The following TMEM175 variants were observed in gnomAD, a reference collection of about 807,000 sequenced individuals.
The protein encoded by TMEM175 is transmembrane protein 175.
Under a neutral mutation model 36.5 loss-of-function variants are expected in TMEM175, and 36 were observed. That is an observed-to-expected ratio of 0.99 (90% CI 0.76 to 1.30). The LOEUF is 1.30. TMEM175 is among the 50% of genes most tolerant of loss of function. The pLI, the probability that TMEM175 is intolerant of heterozygous loss-of-function variation, is 0.00. For missense variants in TMEM175, 705 were observed against 692.8 expected (o/e 1.02, Z -0.20); for synonymous variants, 339 against 313.4 (o/e 1.08, Z -0.86).
Position 958,115 on chromosome 4 carries a change from C to G in TMEM175, c.1134C>G (p.Val378=). 1.9e-6 allele frequency: 3 copies of G among 1,604,004 alleles called. No individual in the cohort carries two copies. Among genetic ancestry groups the G allele is most frequent in the Non-Finnish European group, 1.7e-6 (2 of 1,179,812 alleles). ...GCGATGAGCTGGAGCGCGTGCGTGT[C>G]AGCTGCACCATCATCTTCCTGGCCA... ...QPRDELERVR[V]SCTIIFLASI... Residue 378 remains valine (V), a synonymous_variant, in exon 11 of 11, where the codon GTC becomes GTG. Coordinates refer to ENST00000264771, the MANE Select transcript of TMEM175 (RefSeq NM_032326.4).
At chr4:955,527 G>C in intron 9 of TMEM175, 44 bp downstream of exon 9, 1 of 1,576,718 alleles carries the variant, frequency 6.3e-7, no homozygotes, top group Non-Finnish European at 8.7e-7. Flanking sequence ...CCTGTAGTCC[G>C]CCCACCTCCG....
intron 7 of TMEM175, 145 bp from the exon 8 acceptor site, chr4:953,045 T>C: frequency 1.3e-6 from 1 of 773,554 alleles, no homozygotes; most frequent in Non-Finnish European, 2.0e-6. Context: ...CCAAGACCCC[T>C]GTGCGCGCGT....
chr4:942,070 T>C (rs1727587060), intron 1 of TMEM175, among the ~76,000 whole-genome samples: 1 of 151,778 alleles, frequency 6.6e-6, no homozygotes, highest in African/African-American at 2.4e-5. Flanking sequence ...TTTTTTTCTT[T>C]TTTTTTTGAG....
chr4:949,482 G>C (rs1728590903), intron 3 of TMEM175, among the ~76,000 whole-genome samples: 1 of 152,234 alleles, frequency 6.6e-6, no homozygotes, highest in Non-Finnish European at 1.5e-5. Context: ...ACACCTCCTT[G>C]TGAGGAGAGG....
rs914825630 is a variant in TMEM175, at chr4:932,698, G to C, written c.-32+158G>C. On this transcript the variant is annotated intron_variant, in intron 1 of 10. Coordinates refer to ENST00000264771, the MANE Select transcript of TMEM175 (RefSeq NM_032326.4). This position sits in a 1 kb window ranked among gnomAD's most constrained non-coding sequence, Gnocchi z 4.0. ...TAGCGCCGCGTTTGCGAATGGGTTC[G>C]CGAATTTTTCTCTCAGTTGGCTAAG... is the stretch of plus-strand genomic sequence containing the variant. 1.3e-5 allele frequency among the ~76,000 whole-genome samples: 2 copies of C among 152,256 alleles called. No homozygotes were observed. The highest frequency in any genetic ancestry group is 2.9e-5 in the Non-Finnish European group (2 of 68,052).
chr4:952,544 G>C, intron 7 of TMEM175, 94 bp downstream of exon 7: 1 of 1,211,670 alleles, frequency 8.3e-7, no homozygotes, highest in Non-Finnish European at 1.2e-6. Context: ...GTGCAGGTAG[G>C]GGGCCCAGGG....
intron 3 of TMEM175, 92 bp downstream of exon 3, chr4:948,246 G>A (rs760361793): frequency 2.2e-5 from 35 of 1,609,384 alleles, no homozygotes; most frequent in Middle Eastern, 1.6e-4. Context: ...GACCCTGCAC[G>A]CCTCGAAGCT....
At position 940,174 on chromosome 4, in the gene TMEM175, C is replaced by T. The variant is rs370319077; in HGVS notation, c.-31-7535C>T. On this transcript the variant is annotated intron_variant, in intron 1 of 10. Coordinates refer to ENST00000264771, the MANE Select transcript of TMEM175 (RefSeq NM_032326.4). ...ACAGTAAAAAGAGCAGTAGGCCAGG[C>T]GCAGTGGCTCACGCCTGTAATCCCA... Among the ~76,000 whole-genome samples the T allele has an allele frequency of 2.0e-3, 311 of 152,272 alleles. 13 individuals are homozygous for T. The South Asian group carries it at 0.059, about 29-fold the overall frequency.
intron 7 of TMEM175, among the ~76,000 whole-genome samples, chr4:952,870 C>T (rs1480364487): frequency 6.6e-6 from 1 of 151,996 alleles, no homozygotes; most frequent in African/African-American, 2.4e-5. Context: ...GTGGCATGCC[C>T]AGAGTCCCCG....
At chr4:953,888 A>G (rs775085862) in intron 8 of TMEM175, among the ~76,000 whole-genome samples, 2 of 151,860 alleles carry the variant, frequency 1.3e-5, no homozygotes, top group Non-Finnish European at 2.9e-5. Flanking sequence ...GTCTTGCTAT[A>G]TTGCCCAGGT....
Position 958,175 on chromosome 4 carries a change from G to A in TMEM175, c.1194G>A (p.Leu398=), listed in dbSNP as rs776211831. 1.9e-6 allele frequency: 3 copies of A among 1,603,500 alleles called. No homozygotes were observed. Among genetic ancestry groups the A allele is most frequent in the African/African-American group, 1.3e-5 (1 of 74,936 alleles). The part of the protein sequence containing the change: ...IFQLAMWTTA[L]LHQAETLQPS... ...AGCTGGCCATGTGGACCACGGCGCTGCTGCACCAGGCGGAGACGCTGCAGC... is the reference window on the plus strand; with the variant it reads ...AGCTGGCCATGTGGACCACGGCGCTACTGCACCAGGCGGAGACGCTGCAGC... The change falls in exon 11 of 11, where the codon CTG becomes CTA. Residue 398 remains leucine, a synonymous_variant. Coordinates refer to ENST00000264771, the MANE Select transcript of TMEM175 (RefSeq NM_032326.4).
chr4:935,332 A>G (rs549342448), intron 1 of TMEM175, among the ~76,000 whole-genome samples: 6 of 152,346 alleles, frequency 3.9e-5, no homozygotes, highest in African/African-American at 1.2e-4. Flanking sequence ...AGATACTGCT[A>G]CATGTATAAA....
At chr4:938,797 G>C (rs1461222114) in intron 1 of TMEM175, among the ~76,000 whole-genome samples, 1 of 152,190 alleles carries the variant, frequency 6.6e-6, no homozygotes, top group East Asian at 1.9e-4. Flanking sequence ...TAAACTAGGA[G>C]ATTCAACAGT....
chr4:953,328 A>G lies in TMEM175; in HGVS notation c.601A>G (p.Ile201Val). The change falls in exon 8 of 11, where the codon ATC (isoleucine) becomes GTC (valine). Residue 201 changes from isoleucine to valine, a missense_variant. By Grantham distance (29) the Ile-to-Val change is conservative (BLOSUM62 3). Transcript: ENST00000264771. ...QGPALCFAAA[I>V]FSLFFVPLSY... is the part of the protein sequence containing the mutation. ...CCCGGCCCTGTGCTTTGCAGCGGCC[A>G]TCTTCTCTCTCTTCTTTGTCCCCTT... The G allele has an allele frequency of 6.2e-7, 1 of 1,613,504 alleles. No homozygotes were observed. Among genetic ancestry groups the G allele is most frequent in the Non-Finnish European group, 8.5e-7 (1 of 1,179,678 alleles).
chr4:956,887 C>T (rs1336343265), intron 10 of TMEM175: 1 of 170,648 alleles, frequency 5.9e-6, no homozygotes, highest in East Asian at 1.8e-4. Context: ...GTCCAAGTCT[C>T]CTGATGCTCT....
chr4:949,520 T>C (rs1009927973), intron 3 of TMEM175, among the ~76,000 whole-genome samples: 7 of 152,088 alleles, frequency 4.6e-5, no homozygotes, highest in African/African-American at 1.7e-4. Context: ...CTCACTCTGA[T>C]GAAAAATAAA....
intron 1 of TMEM175, among the ~76,000 whole-genome samples, chr4:939,221 C>T (rs1335493821): frequency 6.6e-6 from 1 of 152,202 alleles, no homozygotes; most frequent in East Asian, 1.9e-4. Flanking sequence ...AAAAGTAGTT[C>T]ATTGGAGAAA....
chr4:953,275 G>A lies in TMEM175; in HGVS notation c.548G>A (p.Arg183Gln), dbSNP rs547989171. 11 of 1,614,064 alleles carry A rather than the reference G, an allele frequency of 6.8e-6. No homozygotes were observed. The highest frequency in any genetic ancestry group is 1.7e-5 in the Admixed American group (1 of 60,016). The change falls in exon 8 of 11, where the codon CGA (arginine) becomes CAA (glutamine). Residue 183 changes from arginine to glutamine, a missense_variant. Coordinates refer to ENST00000264771, the MANE Select transcript of TMEM175 (RefSeq NM_032326.4). ...TCTGCCCACAGGGCTCTGTACCGAC[G>A]ACACGTCCTGGGCATCGTCCTCCAA... is the stretch of plus-strand genomic sequence containing the variant. ...QRSAHRALYR[R>Q]HVLGIVLQGP...
At chr4:943,933 G>A (rs1452422015) in intron 1 of TMEM175, among the ~76,000 whole-genome samples, 1 of 152,176 alleles carries the variant, frequency 6.6e-6, no homozygotes, top group Non-Finnish European at 1.5e-5. Flanking sequence ...CACCACAGAT[G>A]AGTCTCGAAA....
Sources: allele counts gnomAD v4.1 joint callset (sites outside exome capture counted in the v4.1 genomes callset), GRCh38; gene constraint gnomAD v4.1.1; non-coding constraint Gnocchi (gnomAD v3.1); transcripts MANE v1.5; gene names NCBI Gene and HGNC (gene_info 2026-07-23, HGNC 2026-07-21).